SGCD: variants seen among roughly 807,000 people sequenced by gnomAD.
SGCD encodes the protein delta-sarcoglycan.
A neutral mutation model predicts 36.6 loss-of-function variants in SGCD; 18 were observed. The observed-to-expected ratio is 0.49, with a 90% CI of 0.34 to 0.73. The LOEUF (loss-of-function observed/expected upper bound fraction) is 0.73. SGCD is among the 30% of genes least tolerant of loss of function. The pLI is 0.01. For missense variants in SGCD, 387 were observed against 346.7 expected, an observed-to-expected ratio of 1.12 and a Z score of -0.92; for synonymous variants, 133 against 130.6, an observed-to-expected ratio of 1.02 and a Z score of -0.12.
intron 6 of SGCD, among the ~76,000 whole-genome samples, chr5:156,608,677 C>T (rs898629685): frequency 1.3e-5 from 2 of 152,140 alleles, no homozygotes; most frequent in Admixed American, 1.3e-4. Context: ...GTGTGGGATT[C>T]TAATTCTCTT....
chr5:155,930,117 AC>A (rs1201163326), intron 1 of SGCD, among the ~76,000 whole-genome samples: 2 of 151,854 alleles, frequency 1.3e-5, no homozygotes, highest in East Asian at 1.9e-4. Flanking sequence ...TCAACTCTCC[AC>A]CCCTCTTGCC....
intron 3 of SGCD, among the ~76,000 whole-genome samples, chr5:156,464,086 C>G (rs566240924): frequency 9.9e-5 from 15 of 152,104 alleles, no homozygotes; most frequent in Admixed American, 2.6e-4. Context: ...AAACTCACAA[C>G]AATCCTATGA....
chr5:156,091,242 T>C (rs1426530881), intron 1 of SGCD, among the ~76,000 whole-genome samples: 2 of 152,214 alleles, frequency 1.3e-5, no homozygotes, highest in Non-Finnish European at 2.9e-5. Flanking sequence ...AAAGTTTTAA[T>C]TTTGGGAACT....
intron 1 of SGCD, among the ~76,000 whole-genome samples, chr5:156,098,554 C>G (rs1761435893): frequency 6.6e-6 from 1 of 151,424 alleles, no homozygotes; most frequent in African/African-American, 2.4e-5. Flanking sequence ...TTTTAAATAG[C>G]ATTTTATTTT....
chr5:156,276,918 A>C (rs145960956), intron 3 of SGCD, among the ~76,000 whole-genome samples: 1 of 152,310 alleles, frequency 6.6e-6, no homozygotes, highest in Non-Finnish European at 1.5e-5. Context: ...TTTTGCTTTT[A>C]AACCACAAAA....
intron 3 of SGCD, among the ~76,000 whole-genome samples, chr5:156,390,250 G>A (rs913673610): frequency 5.9e-5 from 9 of 152,086 alleles, no homozygotes; most frequent in Non-Finnish European, 1.3e-4. Flanking sequence ...CCTCAGGCAG[G>A]TCCTTTAGAG....
chr5:155,802,637 CAT>C, the SGCD span, among the ~76,000 whole-genome samples: 1 of 152,172 alleles, frequency 6.6e-6, no homozygotes, highest in African/African-American at 2.4e-5. Context: ...GTGTGTTCTG[CAT>C]ATGTTTTTAG....
rs112381461 is a variant in SGCD at position 156,177,941 on chromosome 5, A to G, written c.-44+53922A>G. 2.7e-3 allele frequency among the ~76,000 whole-genome samples: 413 copies of G among 152,352 alleles called. 5 individuals are homozygous for G. The highest frequency in any genetic ancestry group is 9.3e-3 in the African/African-American group (387 of 41,576). On this transcript the variant is annotated intron_variant, in intron 3 of 9. Transcript: ENST00000517913. ...TAATCCATGGGATTTCATCCAATGT[A>G]TATTGAAAATATAAGAAGTCAAGAT...
chr5:156,735,615 G>T (rs553499259), intron 7 of SGCD, among the ~76,000 whole-genome samples: 45 of 152,166 alleles, frequency 3.0e-4, no homozygotes, highest in Non-Finnish European at 5.6e-4. Flanking sequence ...ATGACAGCCT[G>T]CCCCTCCCCT....
the SGCD span, among the ~76,000 whole-genome samples, chr5:155,742,894 T>A: frequency 6.6e-6 from 1 of 152,212 alleles, no homozygotes. Flanking sequence ...CTAAAGAGGC[T>A]CACAGAACTT....
chr5:156,178,349 C>T (rs1763521171), intron 3 of SGCD, among the ~76,000 whole-genome samples: 1 of 152,156 alleles, frequency 6.6e-6, no homozygotes, highest in African/African-American at 2.4e-5. Context: ...TCTAAGAAAA[C>T]AGCTTGACCT....
chr5:155,833,068 A>AAAAAAAAAAAAAAG, the SGCD span, among the ~76,000 whole-genome samples: 2 of 142,642 alleles, frequency 1.4e-5, no homozygotes, highest in African/African-American at 2.6e-5. Context: ...AAAAAAAAAA[A>AAAAAAAAAAAAAAG]AAAGAAAAAA....
intron 7 of SGCD, among the ~76,000 whole-genome samples, chr5:156,741,987 TGCCTCA>T (rs1467683931): frequency 6.6e-6 from 1 of 152,074 alleles, no homozygotes; most frequent in Non-Finnish European, 1.5e-5. Context: ...GCCATTCTCC[TGCCTCA>T]GCCTCCTGAG....
intron 3 of SGCD, among the ~76,000 whole-genome samples, chr5:156,304,990 G>A (rs555483721): frequency 2.0e-5 from 3 of 152,334 alleles, no homozygotes; most frequent in Admixed American, 1.3e-4. Flanking sequence ...CATTCAAGAA[G>A]TGACTTGGGT....
chr5:156,739,261 C>G (rs1756541103), intron 7 of SGCD, among the ~76,000 whole-genome samples: 1 of 152,126 alleles, frequency 6.6e-6, no homozygotes, highest in Non-Finnish European at 1.5e-5. Flanking sequence ...GGCCCTAGAC[C>G]TTGCTCAGAA....
intron 3 of SGCD, among the ~76,000 whole-genome samples, chr5:156,210,726 C>T (rs942845199): frequency 2.0e-5 from 3 of 150,752 alleles, no homozygotes; most frequent in Non-Finnish European, 4.4e-5. Flanking sequence ...GAAGAAGAAC[C>T]TGTGAACTTA....
intron 3 of SGCD, among the ~76,000 whole-genome samples, chr5:156,178,365 G>A (rs1763521428): frequency 6.6e-6 from 1 of 152,176 alleles, no homozygotes; most frequent in Non-Finnish European, 1.5e-5. Flanking sequence ...GACCTGTTCT[G>A]TTATAATGTC....
At chr5:155,736,696 C>G in the SGCD span, among the ~76,000 whole-genome samples, 1 of 152,210 alleles carries the variant, frequency 6.6e-6, no homozygotes, top group African/African-American at 2.4e-5. Flanking sequence ...ACCACCACCA[C>G]TACCACCTCC....
At chr5:156,630,843 C>A (rs1005708471) in intron 6 of SGCD, among the ~76,000 whole-genome samples, 1 of 152,108 alleles carries the variant, frequency 6.6e-6, no homozygotes, top group African/African-American at 2.4e-5. Flanking sequence ...GATCTTAGGG[C>A]ACATTGTGGG....
Sources: allele counts gnomAD v4.1 joint callset (sites outside exome capture counted in the v4.1 genomes callset), GRCh38; gene constraint gnomAD v4.1.1; transcripts MANE v1.5; gene names NCBI Gene and HGNC (gene_info 2026-07-23, HGNC 2026-07-21).